The following EMID1 variants were observed in gnomAD, a reference collection of about 807,000 sequenced individuals.
The protein encoded by EMID1 is EMI domain containing 1.
A neutral mutation model predicts 60.6 loss-of-function variants in EMID1; 40 were observed. The observed-to-expected ratio is 0.66, with a 90% CI of 0.51 to 0.86. EMID1 has a LOEUF of 0.86. Ranked by LOEUF, EMID1 falls within the 40% of genes least tolerant of loss-of-function variation. EMID1 has a pLI of 0.00. For missense variants in EMID1, 585 were observed against 597.1 expected, an observed-to-expected ratio of 0.98 and a Z score of 0.21; for synonymous variants, 242 against 231.0, an observed-to-expected ratio of 1.05 and a Z score of -0.43.
chr22:29,238,042 G>T (rs2041018424), intron 12 of EMID1, among the ~76,000 whole-genome samples: 1 of 143,184 alleles, frequency 7.0e-6, no homozygotes, highest in Non-Finnish European at 1.5e-5. Flanking sequence ...TCCCTTTCAT[G>T]CATGAAGGAT....
intron 4 of EMID1, 95 bp from the exon 5 acceptor site, chr22:29,226,395 G>T: frequency 7.1e-7 from 1 of 1,411,126 alleles, no homozygotes; most frequent in South Asian, 1.3e-5. Context: ...TCAGGTATCT[G>T]ACGCTTTCCT....
In EMID1 at chr22:29,257,449, A is replaced by C. The variant is rs1285826802; in HGVS notation, c.1205-1368A>C. 2.0e-5 allele frequency among the ~76,000 whole-genome samples: 3 copies of C among 152,274 alleles called. No homozygotes were observed. The East Asian group carries it at 5.8e-4, about 29-fold the overall frequency. On this transcript the variant is annotated intron_variant, in intron 14 of 14. Transcript: ENST00000334018. ...GCCATTTTACAGGTGAAGAAACAGA[A>C]GCTCAGAGGCTCCTGTGACTGCTTC... is the stretch of plus-strand genomic sequence containing the variant.
intron 3 of EMID1, among the ~76,000 whole-genome samples, chr22:29,222,137 C>G (rs2040322198): frequency 6.6e-6 from 1 of 152,112 alleles, no homozygotes; most frequent in African/African-American, 2.4e-5. Flanking sequence ...TAGGGTCTCA[C>G]TCTTTCAGTG....
chr22:29,240,433 C>T (rs187120140), intron 12 of EMID1, among the ~76,000 whole-genome samples: 2 of 152,046 alleles, frequency 1.3e-5, no homozygotes, highest in Non-Finnish European at 2.9e-5. Flanking sequence ...GGTCAAGAAC[C>T]CCTCGTGGCC....
intron 3 of EMID1, among the ~76,000 whole-genome samples, chr22:29,219,598 A>T (rs1358058033): frequency 6.6e-6 from 1 of 151,984 alleles, no homozygotes; most frequent in East Asian, 1.9e-4. Context: ...TGGGCAACAT[A>T]GCAAGACCCT....
intron 13 of EMID1, among the ~76,000 whole-genome samples, chr22:29,252,833 T>C (rs2041575423): frequency 6.6e-6 from 1 of 152,096 alleles, no homozygotes; most frequent in Admixed American, 6.5e-5. Context: ...ATGTGCCAGA[T>C]TGTGGACCTG....
rs560358334 is a variant in EMID1 at position 29,221,161 on chromosome 22, C to T, written c.320-3972C>T. ...GGGCCTCCCAGATGGTGGGAAGTGG[C>T]CCACAGTCAGGCTCCCAGAGTGGAG... On this transcript the variant is annotated intron_variant, in intron 3 of 14. Transcript: ENST00000334018. Among the ~76,000 whole-genome samples the T allele has an allele frequency of 2.7e-5, 4 of 149,754 alleles. No individual in the cohort carries two copies. In the East Asian group the frequency reaches 7.9e-4, roughly 30 times the overall value.
chr22:29,243,742 C>T (rs1393265894), intron 13 of EMID1, among the ~76,000 whole-genome samples: 1 of 152,246 alleles, frequency 6.6e-6, no homozygotes, highest in Non-Finnish European at 1.5e-5. Context: ...CCTGTCTCCA[C>T]CTTCCCTCTG....
At chr22:29,233,357 C>A (rs535286143) in intron 8 of EMID1, 22 bp from the exon 9 acceptor site, 1 of 1,613,352 alleles carries the variant, frequency 6.2e-7, no homozygotes. Context: ...GCTCTACTCA[C>A]TCATCATCTT....
intron 3 of EMID1, among the ~76,000 whole-genome samples, chr22:29,217,550 G>A (rs1378499886): frequency 6.6e-6 from 1 of 152,244 alleles, no homozygotes; most frequent in Non-Finnish European, 1.5e-5. Flanking sequence ...CGGAGGGAAA[G>A]GCACCATCAC....
intron 13 of EMID1, among the ~76,000 whole-genome samples, chr22:29,249,587 ATTAT>A (rs140494856): frequency 0.12 from 17,053 of 139,364 alleles, 1,295 homozygotes; most frequent in South Asian, 0.23. Context: ...AAATACCTTT[ATTAT>A]TTATTTATTT....
chr22:29,253,218 G>A (rs1406713819), intron 13 of EMID1, among the ~76,000 whole-genome samples: 1 of 152,212 alleles, frequency 6.6e-6, no homozygotes. Flanking sequence ...GCTGAGACAG[G>A]AGGATCACTT....
At chr22:29,208,166 A>C (rs964836272) in intron 1 of EMID1, among the ~76,000 whole-genome samples, 1 of 152,126 alleles carries the variant, frequency 6.6e-6, no homozygotes, top group Non-Finnish European at 1.5e-5. Context: ...CCCCATCCCC[A>C]CGTTGCTGGA....
chr22:29,218,576 CATCAGAAACAATAGGGCTT>C (rs2040171416), intron 3 of EMID1, among the ~76,000 whole-genome samples: 1 of 152,060 alleles, frequency 6.6e-6, no homozygotes. Context: ...GGCTGCCTCT[CATCAGAAACAATAGGGCTT>C]ATCAGAAACA....
chr22:29,226,241 G>A (rs1417666536), intron 4 of EMID1, among the ~76,000 whole-genome samples: 1 of 152,214 alleles, frequency 6.6e-6, no homozygotes, highest in Non-Finnish European at 1.5e-5. Context: ...GCTGCCAGGG[G>A]TCAGGTCCCT....
At chr22:29,215,500 A>C (rs2040048731) in intron 2 of EMID1, 27 bp from the exon 3 acceptor site, 2 of 1,606,880 alleles carry the variant, frequency 1.2e-6, no homozygotes, top group South Asian at 2.2e-5. Context: ...ACCCTGTCTC[A>C]GCTGGGCCAC....
intron 5 of EMID1, among the ~76,000 whole-genome samples, chr22:29,230,406 C>T (rs2040689932): frequency 6.6e-6 from 1 of 152,024 alleles, no homozygotes; most frequent in Admixed American, 6.5e-5. Context: ...TTTAAGAAAT[C>T]AAGACAAGCT....
intron 5 of EMID1, among the ~76,000 whole-genome samples, 156 bp downstream of exon 5, chr22:29,226,707 CCT>C (rs950261086): frequency 6.6e-6 from 1 of 152,150 alleles, no homozygotes; most frequent in African/African-American, 2.4e-5. Flanking sequence ...AGCAGCATCC[CCT>C]GTCAGGCATG....
intron 1 of EMID1, among the ~76,000 whole-genome samples, chr22:29,207,778 G>A (rs1013633327): frequency 1.1e-4 from 16 of 152,230 alleles, no homozygotes; most frequent in African/African-American, 3.9e-4. Flanking sequence ...GCCTACAGAG[G>A]ACAAGTGGCA....
Sources: allele counts gnomAD v4.1 joint callset (sites outside exome capture counted in the v4.1 genomes callset), GRCh38; gene constraint gnomAD v4.1.1; transcripts MANE v1.5; gene names NCBI Gene and HGNC (gene_info 2026-07-23, HGNC 2026-07-21).